The following PTPRD variants were observed in gnomAD, a reference collection of about 807,000 sequenced individuals.
PTPRD encodes receptor-type tyrosine-protein phosphatase delta.
PTPRD carries 34 observed loss-of-function variants against 214.5 expected under a neutral mutation model. That is an observed-to-expected ratio of 0.16 (90% CI 0.12 to 0.21). PTPRD has a LOEUF of 0.21. Among genes scored for constraint, PTPRD ranks in the 10% least tolerant of loss-of-function variants. The pLI is 1.00. For missense variants in PTPRD, 2,545 were observed against 2,398.7 expected (o/e 1.06, Z -1.27); for synonymous variants, 1,128 against 845.7 (o/e 1.33, Z -5.79).
At chr9:9,136,268 A>G (rs1010535481) in intron 10 of PTPRD, among the ~76,000 whole-genome samples, 1 of 152,146 alleles carries the variant, frequency 6.6e-6, no homozygotes, top group African/African-American at 2.4e-5. Context: ...TCTAATTAAC[A>G]TCTTTTGGTC....
At chr9:10,034,406 A>ATTTTTTTTTT (rs1567216458) in intron 3 of PTPRD, among the ~76,000 whole-genome samples, 1 of 103,254 alleles carries the variant, frequency 9.7e-6, no homozygotes, top group Non-Finnish European at 2.2e-5. Context: ...TCCTGGCTCT[A>ATTTTTTTTTT]CTTTTTTTTT....
intron 36 of PTPRD, among the ~76,000 whole-genome samples, chr9:8,401,904 G>A (rs1182579195): frequency 6.6e-6 from 1 of 151,966 alleles, no homozygotes; most frequent in South Asian, 2.1e-4. Flanking sequence ...CACAAAACAA[G>A]CACATTAAGT....
At chr9:9,243,754 A>G (rs1039604088) in intron 9 of PTPRD, among the ~76,000 whole-genome samples, 3 of 151,894 alleles carry the variant, frequency 2.0e-5, no homozygotes, top group African/African-American at 7.3e-5. Flanking sequence ...CTCTCTCACC[A>G]CTCCTATTCA....
chr9:9,708,257 G>A (rs770694815), intron 7 of PTPRD, among the ~76,000 whole-genome samples: 1 of 152,024 alleles, frequency 6.6e-6, no homozygotes, highest in Non-Finnish European at 1.5e-5. Context: ...GATGCATTCA[G>A]CTATGTGTTT....
At chr9:8,766,265 G>A (rs1865345) in intron 11 of PTPRD, among the ~76,000 whole-genome samples, 1,901 of 151,936 alleles carry the variant, frequency 0.013, 22 homozygotes, top group South Asian at 0.044. Flanking sequence ...AGTATGCATG[G>A]GTTTCCTCTG....
intron 2 of PTPRD, among the ~76,000 whole-genome samples, chr9:10,520,940 AG>A (rs2052024454): frequency 6.6e-6 from 1 of 151,554 alleles, no homozygotes; most frequent in South Asian, 2.1e-4. Flanking sequence ...CTAGTTGCCA[AG>A]GTGCAAGAAG....
rs2083151897 is a variant in PTPRD at position 8,376,061 on chromosome 9, T to A, written c.4536A>T (p.Arg1512Ser). ...KNGSSEKREVRQFQFTAWPDH... is the reference protein window; with the variant it reads ...KNGSSEKREVSQFQFTAWPDH... ...CAGGCCAGGCGGTGAACTGGAATTGTCTCACTTCTCTCTTCTCACTTGAAC... is the reference window on the plus strand; with the variant it reads ...CAGGCCAGGCGGTGAACTGGAATTGACTCACTTCTCTCTTCTCACTTGAAC... The change falls in exon 39 of 46, where the codon AGA becomes AGT. Residue 1512 changes from arginine (R) to serine (S), a missense_variant. Arg to Ser is a moderately radical substitution (Grantham distance 110). Coordinates refer to ENST00000381196, the MANE Select transcript of PTPRD (RefSeq NM_002839.4). The A allele has an allele frequency of 6.2e-7, 1 of 1,612,848 alleles. No homozygotes were observed. Among genetic ancestry groups the A allele is most frequent in the Non-Finnish European group, 8.5e-7 (1 of 1,179,212 alleles).
chr9:9,755,015 C>A (rs952550574), intron 6 of PTPRD, among the ~76,000 whole-genome samples: 1 of 151,876 alleles, frequency 6.6e-6, no homozygotes, highest in Non-Finnish European at 1.5e-5. Flanking sequence ...TTTGATGTAA[C>A]CTGGAATATT....
chr9:9,473,195 A>G (rs963741523), intron 8 of PTPRD, among the ~76,000 whole-genome samples: 2 of 152,196 alleles, frequency 1.3e-5, no homozygotes, highest in African/African-American at 4.8e-5. Context: ...TAGTTCTCAC[A>G]TATAACTGAG....
intron 37 of PTPRD, among the ~76,000 whole-genome samples, chr9:8,385,599 C>T (rs913666341): frequency 1.3e-4 from 20 of 152,070 alleles, no homozygotes; most frequent in African/African-American, 3.6e-4. Flanking sequence ...AGGACAATTT[C>T]GTAGCACCAT....
At chr9:9,027,124 G>A (rs1356367221) in intron 10 of PTPRD, among the ~76,000 whole-genome samples, 1 of 151,532 alleles carries the variant, frequency 6.6e-6, no homozygotes, top group Admixed American at 6.6e-5. Context: ...TTTCTTGCAT[G>A]ACATCTGGCA....
chr9:10,066,846 A>G (rs1478128601), intron 3 of PTPRD, among the ~76,000 whole-genome samples: 1 of 151,846 alleles, frequency 6.6e-6, no homozygotes, highest in Non-Finnish European at 1.5e-5. Flanking sequence ...ATATTCTCAC[A>G]ATATTTGTAC....
chr9:9,258,761 T>C (rs1468112439), intron 9 of PTPRD, among the ~76,000 whole-genome samples: 2 of 151,858 alleles, frequency 1.3e-5, no homozygotes, highest in African/African-American at 2.4e-5. Context: ...TACACTGTAC[T>C]GAGATCATTA....
chr9:9,256,398 T>TA (rs2099977711), intron 9 of PTPRD, among the ~76,000 whole-genome samples: 1 of 152,118 alleles, frequency 6.6e-6, no homozygotes, highest in East Asian at 1.9e-4. Flanking sequence ...TTTTGGTCCT[T>TA]ACATTTTTTT....
At chr9:9,529,304 A>C (rs2074947821) in intron 8 of PTPRD, among the ~76,000 whole-genome samples, 1 of 152,038 alleles carries the variant, frequency 6.6e-6, no homozygotes, top group Non-Finnish European at 1.5e-5. Flanking sequence ...GATTCATTAA[A>C]AAAAAAAAGT....
intron 39 of PTPRD, among the ~76,000 whole-genome samples, chr9:8,349,023 GCTCAA>G (rs2074655372): frequency 6.7e-6 from 1 of 150,294 alleles, no homozygotes; most frequent in African/African-American, 2.4e-5. Context: ...AATTGAAGGT[GCTCAA>G]CTCGAGTGAC....
At chr9:10,211,081 A>T (rs1402578602) in intron 3 of PTPRD, among the ~76,000 whole-genome samples, 1 of 151,906 alleles carries the variant, frequency 6.6e-6, no homozygotes, top group Non-Finnish European at 1.5e-5. Flanking sequence ...CTTAATATTT[A>T]ATATATCTTG....
At chr9:8,776,625 A>G (rs899967294) in intron 11 of PTPRD, among the ~76,000 whole-genome samples, 11 of 152,104 alleles carry the variant, frequency 7.2e-5, no homozygotes, top group Middle Eastern at 6.8e-3. Context: ...GAAAGCAATG[A>G]TGGGGGTGAT....
intron 2 of PTPRD, among the ~76,000 whole-genome samples, chr9:10,524,050 C>T (rs1001126024): frequency 2.6e-5 from 4 of 151,886 alleles, no homozygotes; most frequent in African/African-American, 9.7e-5. Flanking sequence ...AGAAGGTGTC[C>T]GTCTTATAAG....
Sources: allele counts gnomAD v4.1 joint callset (sites outside exome capture counted in the v4.1 genomes callset), GRCh38; gene constraint gnomAD v4.1.1; transcripts MANE v1.5; gene names NCBI Gene and HGNC (gene_info 2026-07-23, HGNC 2026-07-21).